The following LYZL2 variants were observed in gnomAD, a reference collection of about 807,000 sequenced individuals.
LYZL2 encodes lysozyme like 2.
In LYZL2, 13 loss-of-function variants were observed where a neutral mutation model predicts 17.1. That is an observed-to-expected ratio of 0.76 (90% confidence interval 0.49 to 1.21). The LOEUF (loss-of-function observed/expected upper bound fraction) is 1.21. Ranked by LOEUF, LYZL2 falls within the 50% of genes most tolerant of loss-of-function variation. The pLI is 0.00. For missense variants in LYZL2, 166 were observed against 189.2 expected (o/e 0.88, Z 0.72); for synonymous variants, 63 against 74.4 (o/e 0.85, Z 0.79).
chr10:30,618,992 C>A (rs1838577626), intron 3 of LYZL2, among the ~76,000 whole-genome samples: 1 of 152,144 alleles, frequency 6.6e-6, no homozygotes, highest in African/African-American at 2.4e-5. Flanking sequence ...AAAAAACAAA[C>A]AACCCCACCA....
rs779389256 is a variant in LYZL2, at chr10:30,626,167, C to T, written c.236G>A (p.Ser79Asn). 1.9e-6 allele frequency: 3 copies of T among 1,614,024 alleles called. No individual in the cohort carries two copies. The African/African-American group carries it at 4.0e-5, about 22-fold the overall frequency. Residue 79 changes from serine to asparagine, a missense_variant, in exon 3 of 5, where the codon AGC (serine) becomes AAC (asparagine). Physicochemically the swap from Ser to Asn is conservative, Grantham distance 46. Coordinates refer to ENST00000647634, the MANE Select transcript of LYZL2 (RefSeq NM_183058.3). ...CTTTCCGCGTCTGCACCACGCGAAG[C>T]TGTTGATCTGGAAGATGCCGTAGTC... ...SIDYGIFQINSFAWCRRGKLK... is the reference protein window; with the variant it reads ...SIDYGIFQINNFAWCRRGKLK...
intron 3 of LYZL2, among the ~76,000 whole-genome samples, chr10:30,624,192 T>TGG (rs1321538388): frequency 2.0e-5 from 3 of 152,182 alleles, no homozygotes; most frequent in Non-Finnish European, 4.4e-5. Context: ...CTCTGTGCAC[T>TGG]CAGAGGCCAA....
At chr10:30,624,749 A>G (rs914124127) in intron 3 of LYZL2, among the ~76,000 whole-genome samples, 1 of 152,206 alleles carries the variant, frequency 6.6e-6, no homozygotes, top group African/African-American at 2.4e-5. Context: ...GGTCTCGCCC[A>G]GGCTGGTCTT....
At chr10:30,627,845 A>G (rs1484182022) in intron 1 of LYZL2, among the ~76,000 whole-genome samples, 11 of 152,216 alleles carry the variant, frequency 7.2e-5, no homozygotes, top group East Asian at 5.8e-4. Context: ...ATACACGTGG[A>G]CCTGAATGGA....
chr10:30,623,207 AT>A (rs963368184), intron 3 of LYZL2, among the ~76,000 whole-genome samples: 1 of 152,248 alleles, frequency 6.6e-6, no homozygotes, highest in Non-Finnish European at 1.5e-5. Context: ...AAATTTCAAT[AT>A]GTATTTCTCA....
downstream of LYZL2, among the ~76,000 whole-genome samples, chr10:30,609,113 A>G (rs1381885682): frequency 6.6e-6 from 1 of 152,222 alleles, no homozygotes; most frequent in Admixed American, 6.5e-5. Flanking sequence ...TGTTAGGATT[A>G]CAGGCTTGAG....
chr10:30,610,972 G>A (rs556402884), downstream of LYZL2, among the ~76,000 whole-genome samples: 11 of 152,184 alleles, frequency 7.2e-5, no homozygotes, highest in Admixed American at 2.0e-4. Context: ...ATACATCGAT[G>A]GTCCTTCTGG....
chr10:30,609,507 A>G (rs1838409501), downstream of LYZL2, among the ~76,000 whole-genome samples: 1 of 152,226 alleles, frequency 6.6e-6, no homozygotes, highest in South Asian at 2.1e-4. Context: ...CCAGGAACAA[A>G]CAACAGAGAA....
At chr10:30,628,908 T>A (rs113400242) in intron 1 of LYZL2, among the ~76,000 whole-genome samples, 3,177 of 152,306 alleles carry the variant, frequency 0.021, 96 homozygotes, top group African/African-American at 0.069. Context: ...ACATAGCTAC[T>A]CTCATCATTT....
At chr10:30,609,324 G>A (rs1249665071), downstream of LYZL2, among the ~76,000 whole-genome samples, 1 of 152,196 alleles carries the variant, frequency 6.6e-6, no homozygotes, top group African/African-American at 2.4e-5. Flanking sequence ...AGAGCACTAG[G>A]GGGTTAGAGG....
intron 3 of LYZL2, among the ~76,000 whole-genome samples, chr10:30,614,962 T>C (rs1056651351): frequency 1.3e-5 from 2 of 152,220 alleles, no homozygotes; most frequent in African/African-American, 4.8e-5. Context: ...TCATAATACC[T>C]TCATTTAATA....
intron 1 of LYZL2, 115 bp downstream of exon 1, chr10:30,629,478 C>G: frequency 9.6e-7 from 1 of 1,041,514 alleles, no homozygotes; most frequent in South Asian, 1.9e-5. Context: ...TCAAACAAGT[C>G]AAAACAAAAC....
chr10:30,617,674 C>CAAAAAAAAAAAAAAAAAAAA (rs1165550893), intron 3 of LYZL2, among the ~76,000 whole-genome samples: 61 of 50,200 alleles, frequency 1.2e-3, no homozygotes, highest in East Asian at 6.5e-3. Flanking sequence ...GACTCTGTCT[C>CAAAAAAAAAAAAAAAAAAAA]AAAAAAAAAA....
intron 3 of LYZL2, among the ~76,000 whole-genome samples, chr10:30,614,735 A>G (rs1465438031): frequency 2.0e-5 from 3 of 152,274 alleles, no homozygotes; most frequent in Non-Finnish European, 4.4e-5. Context: ...AGTATAATGG[A>G]TTCAATGTCT....
In LYZL2 at chr10:30,611,791, C is replaced by T; in HGVS notation, c.*164G>A. On this transcript the variant is annotated 3_prime_UTR_variant, in exon 5 of 5. Transcript: ENST00000647634. The stretch of plus-strand genomic sequence containing the variant: ...AAAGGGAACCGAGTCAGGGTGAAGA[C>T]ATTTAAATGGAAATATTTATTTTCT... The T allele has an allele frequency of 3.3e-6, 4 of 1,201,386 alleles. No individual in the cohort carries two copies. The highest frequency in any genetic ancestry group is 2.7e-5 in the East Asian group (1 of 37,582). The allele number at this position is 1,201,386 out of a possible 1,614,324, so 74.4% of individuals were successfully genotyped here. A position where few individuals can be genotyped will look rare whatever the true frequency, so the allele number is the denominator to read the frequency against.
chr10:30,627,762 C>T (rs77097412), intron 1 of LYZL2, among the ~76,000 whole-genome samples: 1 of 152,120 alleles, frequency 6.6e-6, no homozygotes, highest in African/African-American at 2.4e-5. Flanking sequence ...GGCATTGGCA[C>T]CCCGACCCCT....
intron 3 of LYZL2, among the ~76,000 whole-genome samples, chr10:30,619,642 A>G (rs1838588402): frequency 6.8e-6 from 1 of 147,646 alleles, no homozygotes; most frequent in Admixed American, 6.8e-5. Context: ...ACACATGGAC[A>G]CAGGAAGGGG....
chr10:30,624,173 T>C (rs965864354), intron 3 of LYZL2, among the ~76,000 whole-genome samples: 1 of 152,134 alleles, frequency 6.6e-6, no homozygotes, highest in Non-Finnish European at 1.5e-5. Context: ...TCTACCCTTC[T>C]CCACCATGCT....
chr10:30,617,961 A>G (rs1274155941), intron 3 of LYZL2, among the ~76,000 whole-genome samples: 1 of 151,988 alleles, frequency 6.6e-6, no homozygotes, highest in African/African-American at 2.4e-5. Context: ...TAAGCTGATA[A>G]GCAACTTCAG....
Sources: allele counts gnomAD v4.1 joint callset (sites outside exome capture counted in the v4.1 genomes callset), GRCh38; gene constraint gnomAD v4.1.1; transcripts MANE v1.5; gene names NCBI Gene and HGNC (gene_info 2026-07-23, HGNC 2026-07-21).